Variants in PTPRT observed in about 807,000 individuals in gnomAD.
The protein encoded by PTPRT is receptor-type tyrosine-protein phosphatase T.
PTPRT carries 56 observed loss-of-function variants against 176.8 expected under a neutral mutation model. The ratio of observed to expected loss-of-function variants is 0.32; its 90% CI spans 0.26 to 0.40. The LOEUF is 0.40. PTPRT is among the 10% of genes least tolerant of loss of function. PTPRT has a pLI of 1.00. For missense variants in PTPRT, 1,540 were observed against 1,908.2 expected, an observed-to-expected ratio of 0.81 and a Z score of 3.60; for synonymous variants, 783 against 739.0, an observed-to-expected ratio of 1.06 and a Z score of -0.96.
intron 19 of PTPRT, among the ~76,000 whole-genome samples, chr20:42,126,125 G>A (rs535097064): frequency 8.5e-5 from 13 of 152,192 alleles, no homozygotes; most frequent in African/African-American, 2.2e-4. Flanking sequence ...GGCCTGAGAC[G>A]TATTTGTGAT....
intron 9 of PTPRT, among the ~76,000 whole-genome samples, chr20:42,408,556 A>T (rs2058982701): frequency 6.6e-6 from 1 of 152,136 alleles, no homozygotes; most frequent in South Asian, 2.1e-4. Flanking sequence ...CTTCAAAACA[A>T]CTAACCTTTA....
intron 11 of PTPRT, among the ~76,000 whole-genome samples, chr20:42,347,235 T>G (rs139505503): frequency 6.6e-6 from 1 of 152,304 alleles, no homozygotes; most frequent in Non-Finnish European, 1.5e-5. Flanking sequence ...TTCAGAAAAC[T>G]AATTCAGAAA....
chr20:42,578,333 A>G (rs907053026), intron 7 of PTPRT, among the ~76,000 whole-genome samples: 1 of 152,090 alleles, frequency 6.6e-6, no homozygotes, highest in Non-Finnish European at 1.5e-5. Context: ...CCATGTTAAG[A>G]GTATAAAAGC....
At chr20:42,341,313 T>C (rs1199539862) in intron 11 of PTPRT, among the ~76,000 whole-genome samples, 1 of 152,156 alleles carries the variant, frequency 6.6e-6, no homozygotes, top group Non-Finnish European at 1.5e-5. Flanking sequence ...TCCAGCACTT[T>C]TGTTGACATT....
At chr20:42,558,281 G>A (rs1218813978) in intron 7 of PTPRT, among the ~76,000 whole-genome samples, 3 of 152,078 alleles carry the variant, frequency 2.0e-5, no homozygotes, top group Admixed American at 6.6e-5. Flanking sequence ...AAGTTTAATG[G>A]CCTTCAGCTC....
chr20:42,261,050 G>A (rs1411656728), intron 13 of PTPRT, among the ~76,000 whole-genome samples: 1 of 152,032 alleles, frequency 6.6e-6, no homozygotes, highest in African/African-American at 2.4e-5. Context: ...CATTTTCCAG[G>A]GCTGTTATTA....
chr20:42,201,947 T>TTGTGTGTGTGTGTGTGTGTG (rs1189357177), intron 15 of PTPRT, among the ~76,000 whole-genome samples: 3 of 58,000 alleles, frequency 5.2e-5, no homozygotes, highest in Admixed American at 1.5e-4. Flanking sequence ...AAGAGAAAAG[T>TTGTGTGTGTGTGTGTGTGTG]TGCGTGTGTG....
intron 15 of PTPRT, among the ~76,000 whole-genome samples, chr20:42,208,444 G>A (rs2055530511): frequency 6.6e-6 from 1 of 151,838 alleles, no homozygotes; most frequent in South Asian, 2.1e-4. Context: ...AAGGATGGAG[G>A]AAGATCTACC....
intron 7 of PTPRT, among the ~76,000 whole-genome samples, chr20:42,485,032 T>G (rs1013315382): frequency 6.6e-6 from 1 of 152,172 alleles, no homozygotes; most frequent in African/African-American, 2.4e-5. Context: ...CCACATCAAC[T>G]GCTCAAGTGC....
chr20:42,940,723 C>T (rs1279535932), intron 1 of PTPRT, among the ~76,000 whole-genome samples: 16 of 152,126 alleles, frequency 1.1e-4, no homozygotes. Flanking sequence ...GTATGCTTAG[C>T]AAATAAAAAC....
intron 3 of PTPRT, among the ~76,000 whole-genome samples, chr20:42,782,615 C>T (rs187277248): frequency 5.3e-5 from 8 of 152,278 alleles, no homozygotes; most frequent in Non-Finnish European, 8.8e-5. Context: ...TTTATTCTAC[C>T]TTATTAGCAT....
intron 5 of PTPRT, among the ~76,000 whole-genome samples, chr20:42,760,910 G>A (rs2076906024): frequency 1.3e-5 from 2 of 152,148 alleles, no homozygotes; most frequent in South Asian, 2.1e-4. Context: ...ATGAAAGAGT[G>A]TGGAAGGTAT....
At chr20:42,138,238 A>G (rs1035353896) in intron 18 of PTPRT, among the ~76,000 whole-genome samples, 3 of 152,202 alleles carry the variant, frequency 2.0e-5, no homozygotes, top group Admixed American at 2.0e-4. Context: ...TGTTCTCTGG[A>G]TTCTGGTTGG....
chr20:42,693,979 T>C (rs905653768), intron 6 of PTPRT, among the ~76,000 whole-genome samples: 3 of 152,106 alleles, frequency 2.0e-5, no homozygotes, highest in African/African-American at 7.2e-5. Flanking sequence ...TGGGACTGTT[T>C]TTGTCACCTG....
At chr20:43,145,943 C>T (rs1443631720) in intron 1 of PTPRT, among the ~76,000 whole-genome samples, 8 of 152,154 alleles carry the variant, frequency 5.3e-5, no homozygotes, top group Non-Finnish European at 1.2e-4. Context: ...TATAGGACTT[C>T]GTTTTCAATC....
intron 15 of PTPRT, among the ~76,000 whole-genome samples, chr20:42,208,934 A>G (rs1423410100): frequency 6.6e-6 from 1 of 152,254 alleles, no homozygotes; most frequent in Non-Finnish European, 1.5e-5. Context: ...CACAGAAATT[A>G]TAACAAACTA....
At chr20:42,170,669 A>G (rs146614237) in intron 16 of PTPRT, among the ~76,000 whole-genome samples, 1 of 152,328 alleles carries the variant, frequency 6.6e-6, no homozygotes, top group East Asian at 1.9e-4. Flanking sequence ...TTTCCTTTGT[A>G]TATATCATCT....
At chr20:42,762,028 T>C (rs184233462) in intron 5 of PTPRT, among the ~76,000 whole-genome samples, 11 of 152,336 alleles carry the variant, frequency 7.2e-5, no homozygotes, top group African/African-American at 2.6e-4. Context: ...AGAAAATGAC[T>C]GCTTCACAGA....
chr20:42,827,964 T>C (rs2145681080), intron 2 of PTPRT, among the ~76,000 whole-genome samples: 1 of 152,334 alleles, frequency 6.6e-6, no homozygotes, highest in Non-Finnish European at 1.5e-5. Context: ...AATGGACTAA[T>C]ACAGTAATTT....
Sources: gnomAD v4.1 joint callset for allele counts (sites outside exome capture counted in the v4.1 genomes callset) on GRCh38, gnomAD v4.1.1 for gene constraint, MANE v1.5 for transcripts, NCBI Gene and HGNC (gene_info 2026-07-23, HGNC 2026-07-21) for gene names.